Variants in NHSL2 observed in about 807,000 individuals in gnomAD.
The protein encoded by NHSL2 is NHS like 2, also known as NHS-like protein 2.
NHSL2 carries 27 observed loss-of-function variants against 53.4 expected under a neutral mutation model. The ratio of observed to expected loss-of-function variants is 0.51; its 90% CI spans 0.37 to 0.70. NHSL2 has a LOEUF of 0.70. NHSL2 is among the 30% of genes least tolerant of loss of function. The pLI, the probability that NHSL2 is intolerant of heterozygous loss-of-function variation, is 0.00. For synonymous variants in NHSL2, 408 were observed against 404.1 expected, an observed-to-expected ratio of 1.01 and a Z score of -0.12; for missense variants, 892 against 980.1, an observed-to-expected ratio of 0.91 and a Z score of 1.20.
At chrX:71,964,875 TA>T (rs919227996) in intron 1 of NHSL2, among the ~76,000 whole-genome samples, 5 of 112,428 alleles carry the variant, frequency 4.4e-5, no homozygotes, top group African/African-American at 1.6e-4. Context: ...GTTTATTAAC[TA>T]TTTTTTTTCA....
At chrX:72,048,200 A>G (rs922337559) in intron 1 of NHSL2, among the ~76,000 whole-genome samples, 2 of 110,711 alleles carry the variant, frequency 1.8e-5, no homozygotes, top group Non-Finnish European at 3.8e-5. Flanking sequence ...ATAACCCCAT[A>G]AGGTAGATAC....
At chrX:72,091,391 T>C (rs2041897441) in intron 1 of NHSL2, among the ~76,000 whole-genome samples, 1 of 111,003 alleles carries the variant, frequency 9.0e-6, no homozygotes, top group Admixed American at 9.5e-5. Context: ...GAGGCGGAGC[T>C]TGCGGTGAGC....
At chrX:72,041,031 A>C (rs1185395715) in intron 1 of NHSL2, among the ~76,000 whole-genome samples, 1 of 112,359 alleles carries the variant, frequency 8.9e-6, no homozygotes, top group Non-Finnish European at 1.9e-5. Context: ...AATTCAGAGG[A>C]GGAAGTCCCT....
In NHSL2 at chrX:72,139,955, A is replaced by T; in HGVS notation, c.2407A>T (p.Thr803Ser). Residue 803 changes from threonine to serine, a missense_variant, in exon 6 of 8, where the codon ACA (threonine) becomes TCA (serine). Coordinates refer to ENST00000633930, the MANE Select transcript of NHSL2 (RefSeq NM_001013627.3). ...TAAGGTGAGTCGGCACCACTCAGAG[A>T]CAAATTTTGGCGTCAAGCTGGCCCA... is the stretch of plus-strand genomic sequence containing the variant. ...KTKVSRHHSETNFGVKLAQKT... is the reference protein window; with the variant it reads ...KTKVSRHHSESNFGVKLAQKT... The T allele has an allele frequency of 8.3e-7, 1 of 1,210,163 alleles. No homozygotes were observed. Among genetic ancestry groups the T allele is most frequent in the Non-Finnish European group, 1.1e-6 (1 of 894,544 alleles).
chrX:72,077,722 G>A (rs1170213928), intron 1 of NHSL2, among the ~76,000 whole-genome samples: 1 of 112,740 alleles, frequency 8.9e-6, no homozygotes, highest in African/African-American at 3.2e-5. Context: ...GCCACCTCCA[G>A]CCCAGAGGGA....
intron 1 of NHSL2, among the ~76,000 whole-genome samples, chrX:72,036,456 C>G (rs1448120028): frequency 8.9e-6 from 1 of 112,208 alleles, no homozygotes; most frequent in Non-Finnish European, 1.9e-5. Flanking sequence ...TATGACTTGT[C>G]ATGAATTTCT....
intron 1 of NHSL2, among the ~76,000 whole-genome samples, chrX:71,977,425 CTTTTTT>C (rs374810519): frequency 1.1e-5 from 1 of 92,728 alleles, no homozygotes; most frequent in African/African-American, 3.8e-5. Flanking sequence ...CTCTCTCTCT[CTTTTTT>C]TTTTTTTTTT....
chrX:72,096,848 C>T (rs754262739), intron 1 of NHSL2, among the ~76,000 whole-genome samples: 28 of 111,713 alleles, frequency 2.5e-4, no homozygotes, highest in Admixed American at 1.0e-3. Context: ...GACTCAAACT[C>T]CTGGGCTCAC....
At chrX:72,092,615 A>AG (rs2041908610) in intron 1 of NHSL2, among the ~76,000 whole-genome samples, 1 of 111,918 alleles carries the variant, frequency 8.9e-6, no homozygotes, top group South Asian at 3.7e-4. Context: ...TTACTGAATG[A>AG]GTAAATAGTG....
Position 71,965,133 on chromosome X carries a change from G to A in NHSL2, c.280+53766G>A, listed in dbSNP as rs747398486. On this transcript the variant is annotated intron_variant, in intron 1 of 7. Transcript: ENST00000633930. ...GTTTAAATCCCTAGATGAAGATAAG[G>A]TGTCAAAATTACAAATAGACTAATA... is the stretch of plus-strand genomic sequence containing the variant. Among the ~76,000 whole-genome samples the A allele has an allele frequency of 1.4e-4, 16 of 111,862 alleles. No homozygotes were observed. The South Asian group carries it at 6.0e-3, about 42-fold the overall frequency.
chrX:71,921,372 A>T (rs2041657843), intron 1 of NHSL2, among the ~76,000 whole-genome samples: 1 of 106,787 alleles, frequency 9.4e-6, no homozygotes, highest in Non-Finnish European at 1.9e-5. Context: ...GCGAGCCGAG[A>T]TTGTGCCATT....
intron 1 of NHSL2, 67 bp downstream of exon 1, chrX:71,911,434 C>G (rs930078662): frequency 3.2e-6 from 3 of 946,642 alleles, no homozygotes; most frequent in African/African-American, 2.1e-5. Context: ...CCGGTCGGCG[C>G]TTAGCGCTGT....
Position 72,140,266 on chromosome X carries a change from C to A in NHSL2, c.2718C>A (p.Pro906=), listed in dbSNP as rs143232486. The A allele has an allele frequency of 1.5e-5, 18 of 1,208,556 alleles. No individual in the cohort carries two copies. The highest frequency in any genetic ancestry group is 2.3e-4 in the Middle Eastern group (1 of 4,363). The change falls in exon 6 of 8, where the codon CCC becomes CCA. Residue 906 remains proline (P), a synonymous_variant. Transcript: ENST00000633930. ...ALTSPTLAMP[P]RSSIQHARPL... ...CTTCACCAACCTTGGCTATGCCCCCCAGGAGCTCAATTCAACATGCGAGAC... is the reference window on the plus strand; with the variant it reads ...CTTCACCAACCTTGGCTATGCCCCCAAGGAGCTCAATTCAACATGCGAGAC...
chrX:71,931,818 G>T (rs1185840446), intron 1 of NHSL2, among the ~76,000 whole-genome samples: 2 of 112,768 alleles, frequency 1.8e-5, no homozygotes, highest in Non-Finnish European at 3.7e-5. Context: ...AAATTGGGAC[G>T]TGTTAGTCCT....
intron 1 of NHSL2, among the ~76,000 whole-genome samples, chrX:71,961,729 G>A (rs1259164794): frequency 9.0e-6 from 1 of 111,469 alleles, no homozygotes; most frequent in Non-Finnish European, 1.9e-5. Context: ...GCGGTGCCAC[G>A]ATGATCTCAG....
chrX:72,131,363 TG>T lies in NHSL2; in HGVS notation c.281-713del, dbSNP rs759974118. 5.0e-6 allele frequency: 6 copies of T among 1,207,089 alleles called. No homozygotes were observed. In the African/African-American group the frequency reaches 1.1e-4, roughly 21 times the overall value. On this transcript the variant is annotated intron_variant, in intron 1 of 7. Coordinates refer to ENST00000633930, the MANE Select transcript of NHSL2 (RefSeq NM_001013627.3). The stretch of plus-strand genomic sequence containing the variant: ...TTCTCCTCCGCAAGGACGGGCACTA[TG>T]GGTACTGGCCAGCGGATGTAGCTGG...
chrX:72,132,019 C>T (rs2042308888), intron 1 of NHSL2, 60 bp from the exon 2 acceptor site: 3 of 1,138,268 alleles, frequency 2.6e-6, no homozygotes, highest in Non-Finnish European at 3.5e-6. Context: ...GCCCACTGGC[C>T]GCCGCGCGCC....
chrX:72,048,763 A>G (rs957028790), intron 1 of NHSL2, among the ~76,000 whole-genome samples: 3 of 109,745 alleles, frequency 2.7e-5, no homozygotes, highest in Non-Finnish European at 5.7e-5. Context: ...AAGGTAGAAA[A>G]GCGTGTGCCT....
At chrX:71,995,091 C>T (rs895636973) in intron 1 of NHSL2, among the ~76,000 whole-genome samples, 1 of 112,135 alleles carries the variant, frequency 8.9e-6, no homozygotes, top group South Asian at 3.7e-4. Context: ...AGACCCAAAC[C>T]TCAAGGTCAT....
Sources: allele counts gnomAD v4.1 joint callset (sites outside exome capture counted in the v4.1 genomes callset), GRCh38; gene constraint gnomAD v4.1.1; transcripts MANE v1.5; gene names NCBI Gene and HGNC (gene_info 2026-07-23, HGNC 2026-07-21).